The following ASS1 variants were observed in gnomAD, a reference collection of about 807,000 sequenced individuals.
ASS1 encodes the protein argininosuccinate synthase.
A neutral mutation model predicts 60.5 loss-of-function variants in ASS1; 58 were observed. That is an observed-to-expected ratio of 0.96 (90% CI 0.78 to 1.19). The LOEUF is 1.19. Ranked by LOEUF, ASS1 falls within the 50% of genes most tolerant of loss-of-function variation. ASS1 has a pLI of 0.00. For missense variants in ASS1, 454 were observed against 547.3 expected (o/e 0.83, Z 1.70); for synonymous variants, 200 against 206.9 (o/e 0.97, Z 0.29).
rs1009594805 is a variant in ASS1 at position 130,497,436 on chromosome 9, C to T, written c.1128-2069C>T. On this transcript the variant is annotated intron_variant, in intron 13 of 14. Transcript: ENST00000352480. Reference sequence around the variant, plus strand: ...AATTATAGAGCAGGTCAGAGCCACTCGAATGAGCAAAAATAAAAGCACAGA... The same window carrying T: ...AATTATAGAGCAGGTCAGAGCCACTTGAATGAGCAAAAATAAAAGCACAGA... 1.1e-4 allele frequency among the ~76,000 whole-genome samples: 16 copies of T among 150,794 alleles called. No individual in the cohort carries two copies. The South Asian group carries it at 3.1e-3, about 30-fold the overall frequency.
At chr9:130,479,241 G>T (rs1846103130) in intron 9 of ASS1, among the ~76,000 whole-genome samples, 1 of 152,112 alleles carries the variant, frequency 6.6e-6, no homozygotes, top group South Asian at 2.1e-4. Context: ...TGGGGTACAG[G>T]GTCGGGGCGC....
chr9:130,450,804 C>T (rs912230510), intron 1 of ASS1, among the ~76,000 whole-genome samples: 1 of 152,232 alleles, frequency 6.6e-6, no homozygotes, highest in Non-Finnish European at 1.5e-5. Context: ...ATGGTGATGG[C>T]CGGGTGACCC....
At chr9:130,447,057 G>C (rs1418117497) in intron 1 of ASS1, among the ~76,000 whole-genome samples, 1 of 152,234 alleles carries the variant, frequency 6.6e-6, no homozygotes, top group African/African-American at 2.4e-5. Context: ...TGTCAGCGAG[G>C]GGTTGCAGGG....
chr9:130,499,317 G>A (rs1588512653), intron 13 of ASS1, among the ~76,000 whole-genome samples, 188 bp from the exon 14 acceptor site: 1 of 152,234 alleles, frequency 6.6e-6, no homozygotes, highest in Admixed American at 6.5e-5. Context: ...GTGGGTGCCT[G>A]GCCCAGAACA....
intron 6 of ASS1, among the ~76,000 whole-genome samples, chr9:130,469,043 C>A (rs928024984): frequency 6.6e-6 from 1 of 152,216 alleles, no homozygotes; most frequent in African/African-American, 2.4e-5. Flanking sequence ...CGGAGGTCCG[C>A]TGAGAAGGGA....
chr9:130,458,303 C>A, intron 3 of ASS1, 98 bp from the exon 4 acceptor site: 2 of 1,431,760 alleles, frequency 1.4e-6, no homozygotes, highest in Admixed American at 1.7e-5. Context: ...CGGGGGTGGC[C>A]CCGTATAGGT....
Position 130,470,785 on chromosome 9 carries a change from G to C in ASS1, c.496-49G>C. The stretch of plus-strand genomic sequence containing the variant: ...GCAGGGCCCCTGGGACGGACCTCAC[G>C]CGTCCTTCCAGCCGCCTTACCTCCA... On this transcript the variant is annotated intron_variant, in intron 6 of 14. Transcript: ENST00000352480. The surrounding 1 kb of genome is among the most constrained non-coding windows in gnomAD (Gnocchi z 4.3). 6.4e-7 allele frequency: 1 copy of C among 1,566,964 alleles called. No individual in the cohort carries two copies. The highest frequency in any genetic ancestry group is 8.8e-7 in the Non-Finnish European group (1 of 1,137,478).
intron 6 of ASS1, among the ~76,000 whole-genome samples, chr9:130,469,912 A>C (rs1032237869): frequency 2.0e-5 from 3 of 151,926 alleles, no homozygotes; most frequent in Admixed American, 2.0e-4. Flanking sequence ...GAGGGGCTGA[A>C]GGGGCTCAGA....
chr9:130,483,415 C>T (rs1262773233), intron 11 of ASS1, among the ~76,000 whole-genome samples: 3 of 150,634 alleles, frequency 2.0e-5, no homozygotes, highest in East Asian at 2.0e-4. Context: ...GCCTAGTCAG[C>T]GGCGCTCAGG....
chr9:130,460,624 G>A (rs1038689443), intron 4 of ASS1, among the ~76,000 whole-genome samples: 2 of 152,200 alleles, frequency 1.3e-5, no homozygotes, highest in Non-Finnish European at 2.9e-5. Flanking sequence ...GGCCCTGAAG[G>A]ACAGTCTGTC....
At chr9:130,487,944 G>A (rs1291345095) in intron 11 of ASS1, among the ~76,000 whole-genome samples, 10 of 151,978 alleles carry the variant, frequency 6.6e-5, no homozygotes, top group Admixed American at 1.3e-4. Context: ...TAGTAGAGAC[G>A]GGGTTTCACC....
chr9:130,453,582 G>A (rs1653332), intron 2 of ASS1, among the ~76,000 whole-genome samples: 80,129 of 152,090 alleles, frequency 0.53, 22,889 homozygotes, highest in Admixed American at 0.65. Flanking sequence ...GCTGGAGCTG[G>A]GCGTATAGAC....
rs757810231 is a variant in ASS1 at position 130,466,829 on chromosome 9, C to A, written c.495+30C>A. Reference sequence around the variant, plus strand: ...GGCCGAGTCTCCCCACCACCCCCAACCTTTCCCTATAGCCCCCTTCCCGGG... The same window carrying A: ...GGCCGAGTCTCCCCACCACCCCCAAACTTTCCCTATAGCCCCCTTCCCGGG... On this transcript the variant is annotated intron_variant, in intron 6 of 14. Coordinates refer to ENST00000352480, the MANE Select transcript of ASS1 (RefSeq NM_054012.4). 8 of 1,609,290 alleles carry A rather than the reference C, an allele frequency of 5.0e-6. No individual in the cohort carries two copies. The Admixed American group carries it at 1.0e-4, about 20-fold the overall frequency.
intron 7 of ASS1, among the ~76,000 whole-genome samples, chr9:130,471,210 G>A (rs1845858469): frequency 6.6e-6 from 1 of 152,220 alleles, no homozygotes; most frequent in Admixed American, 6.5e-5. Flanking sequence ...CAGGGGAAGA[G>A]TGTTTAAGGC....
Position 130,458,382 on chromosome 9 carries a change from T to G in ASS1, c.175-19T>G. The G allele has an allele frequency of 6.2e-7, 1 of 1,612,006 alleles. No homozygotes were observed. Among genetic ancestry groups the G allele is most frequent in the Non-Finnish European group, 8.5e-7 (1 of 1,179,860 alleles). ...CCTGTCCTTGCCTACTTCTTCCTTC[T>G]GGGCTCCTCTTCCCGTAGGTGTTCA... On this transcript the variant is annotated intron_variant, in intron 3 of 14. Coordinates refer to ENST00000352480, the MANE Select transcript of ASS1 (RefSeq NM_054012.4).
chr9:130,491,575 G>A lies in ASS1; in HGVS notation c.970+2111G>A, dbSNP rs556834213. Reference sequence around the variant, plus strand: ...GGCCAAGTTCCCAGTTACTCCAACAGATTCCAGGATGCTCGTGATCAAGGG... The same window carrying A: ...GGCCAAGTTCCCAGTTACTCCAACAAATTCCAGGATGCTCGTGATCAAGGG... On this transcript the variant is annotated intron_variant, in intron 12 of 14. Transcript: ENST00000352480. The surrounding 1 kb of genome is among the most constrained non-coding windows in gnomAD (Gnocchi z 5.3). Among the ~76,000 whole-genome samples, 1 of 152,368 alleles carries A rather than the reference G, an allele frequency of 6.6e-6. No homozygotes were observed. The highest frequency in any genetic ancestry group is 2.1e-4 in the South Asian group (1 of 4,832).
chr9:130,449,342 GAA>G (rs55853169), intron 1 of ASS1, among the ~76,000 whole-genome samples: 73 of 91,508 alleles, frequency 8.0e-4, no homozygotes, highest in Middle Eastern at 6.1e-3. Context: ...GACCCTGTCT[GAA>G]AAAAAAAAAA....
At chr9:130,463,700 A>G (rs928089987) in intron 4 of ASS1, among the ~76,000 whole-genome samples, 1 of 152,184 alleles carries the variant, frequency 6.6e-6, no homozygotes, top group Non-Finnish European at 1.5e-5. Flanking sequence ...GGGGAGTCCA[A>G]GCACCCTGGT....
intron 11 of ASS1, among the ~76,000 whole-genome samples, chr9:130,482,420 G>C (rs1380866137): frequency 6.6e-6 from 1 of 151,714 alleles, no homozygotes; most frequent in African/African-American, 2.4e-5. Context: ...GGCATCACCA[G>C]TCAATGCTGG....
Sources: gnomAD v4.1 joint callset for allele counts (sites outside exome capture counted in the v4.1 genomes callset) on GRCh38, gnomAD v4.1.1 for gene constraint, Gnocchi (gnomAD v3.1) non-coding constraint, MANE v1.5 for transcripts, NCBI Gene and HGNC (gene_info 2026-07-23, HGNC 2026-07-21) for gene names.